The following LOXHD1 variants were observed in gnomAD, a reference collection of about 807,000 sequenced individuals.
LOXHD1 encodes the protein lipoxygenase homology PLAT domains 1.
A neutral mutation model predicts 248.2 loss-of-function variants in LOXHD1; 205 were observed. That is an observed-to-expected ratio of 0.83 (90% CI 0.74 to 0.93). LOXHD1 has a LOEUF of 0.93. Among genes scored for constraint, LOXHD1 ranks in the 40% least tolerant of loss-of-function variants. The pLI is 0.00. For synonymous variants in LOXHD1, 1,113 were observed against 1,162.8 expected, an observed-to-expected ratio of 0.96 and a Z score of 0.87; for missense variants, 2,930 against 2,971.6, an observed-to-expected ratio of 0.99 and a Z score of 0.33.
At chr18:46,561,707 C>T (rs1215789597) in intron 18 of LOXHD1, among the ~76,000 whole-genome samples, 1 of 151,566 alleles carries the variant, frequency 6.6e-6, no homozygotes, top group East Asian at 1.9e-4. Context: ...ATGCAGTCAA[C>T]AAACCACCTT....
At chr18:46,497,421 T>C (rs1325854326) in intron 37 of LOXHD1, among the ~76,000 whole-genome samples, 3 of 152,056 alleles carry the variant, frequency 2.0e-5, no homozygotes, top group Admixed American at 6.6e-5. Flanking sequence ...AGTAGAAAAA[T>C]GCATCAGGAA....
At chr18:46,519,945 G>A (rs1208817233) in intron 33 of LOXHD1, among the ~76,000 whole-genome samples, 1 of 152,176 alleles carries the variant, frequency 6.6e-6, no homozygotes, top group Non-Finnish European at 1.5e-5. Flanking sequence ...TGTAGGTCTG[G>A]ATTTTCCTGG....
intron 21 of LOXHD1, among the ~76,000 whole-genome samples, chr18:46,551,853 T>C (rs1018305567): frequency 1.3e-4 from 20 of 152,190 alleles, no homozygotes; most frequent in African/African-American, 4.6e-4. Context: ...GTACATACAA[T>C]GAAATATTAT....
At chr18:46,556,755 A>G in intron 21 of LOXHD1, 1 of 160,790 alleles carries the variant, frequency 6.2e-6, no homozygotes, top group Non-Finnish European at 1.2e-5. Flanking sequence ...CTCATCCTCC[A>G]ACGTCACCCA....
chr18:46,542,040 G>A, intron 24 of LOXHD1, 100 bp from the exon 25 acceptor site: 14 of 1,159,972 alleles, frequency 1.2e-5, no homozygotes, highest in Non-Finnish European at 1.7e-5. Context: ...TAGGTGGCTG[G>A]CTGATATCAT....
At chr18:46,484,341 G>A (rs1172201588) in intron 39 of LOXHD1, among the ~76,000 whole-genome samples, 1 of 152,136 alleles carries the variant, frequency 6.6e-6, no homozygotes, top group African/African-American at 2.4e-5. Flanking sequence ...ATGGTATTTG[G>A]AGGTAGGGTC....
chr18:46,610,700 G>T (rs910921526), intron 6 of LOXHD1, 76 bp downstream of exon 6: 1 of 1,448,824 alleles, frequency 6.9e-7, no homozygotes, highest in Non-Finnish European at 9.1e-7. Flanking sequence ...AGTTGGGACT[G>T]AGATACAACC....
At position 46,572,143 on chromosome 18, in the gene LOXHD1, C is replaced by G. The variant is rs1372147398; in HGVS notation, c.1990G>C (p.Asp664His). 6.4e-7 allele frequency: 1 copy of G among 1,551,886 alleles called. No individual in the cohort carries two copies. Residue 664 changes from aspartate (D) to histidine (H), a missense_variant, in exon 15 of 41, where the codon GAT (aspartate) becomes CAT (histidine). By Grantham distance (81) the Asp-to-His change is moderately conservative. Transcript: ENST00000642948. ...PCLRWLDKDK[D>H]DGQLVRELLP... ...AACTCTCGGACCAGCTGCCCATCATCCTTATCCTTGTCCAACCACCTGGTG... is the reference window on the plus strand; with the variant it reads ...AACTCTCGGACCAGCTGCCCATCATGCTTATCCTTGTCCAACCACCTGGTG...
chr18:46,485,933 C>A (rs1415980248), intron 38 of LOXHD1, among the ~76,000 whole-genome samples: 2 of 152,024 alleles, frequency 1.3e-5, no homozygotes, highest in African/African-American at 4.8e-5. Context: ...TAGAGCTCTG[C>A]AATGCTGTCC....
chr18:46,541,673 G>A, intron 25 of LOXHD1, 103 bp downstream of exon 25: 1 of 1,334,410 alleles, frequency 7.5e-7, no homozygotes, highest in Non-Finnish European at 1.0e-6. Flanking sequence ...CTTCAAGGTG[G>A]GCCTGGCCCA....
intron 35 of LOXHD1, among the ~76,000 whole-genome samples, chr18:46,509,385 C>T (rs1356873980): frequency 6.6e-6 from 1 of 152,242 alleles, no homozygotes; most frequent in Non-Finnish European, 1.5e-5. Context: ...CCTCCTCTCT[C>T]AACCCTCCCA....
chr18:46,486,590 T>C (rs1213900869), intron 38 of LOXHD1, among the ~76,000 whole-genome samples: 1 of 152,168 alleles, frequency 6.6e-6, no homozygotes, highest in Non-Finnish European at 1.5e-5. Context: ...TACCATTGCC[T>C]TCTGCTTTCC....
Position 46,542,746 on chromosome 18 carries a change from C to T in LOXHD1, c.3729G>A (p.Arg1243=), listed in dbSNP as rs1159207356. ...TLDLGDLWKV[R]LGHDNTGKAP... The stretch of plus-strand genomic sequence containing the variant: ...CCACACCTGTGTTGTCATGGCCAAG[C>T]CGGACTTTCCACAGGTCTCCCAGAT... Residue 1243 remains arginine, a synonymous_variant, in exon 24 of 41, where the codon CGG becomes CGA. Transcript: ENST00000642948. 1 of 1,551,626 alleles carries T rather than the reference C, an allele frequency of 6.4e-7. No homozygotes were observed. Among genetic ancestry groups the T allele is most frequent in the Admixed American group, 2.0e-5 (1 of 50,996 alleles).
intron 12 of LOXHD1, among the ~76,000 whole-genome samples, chr18:46,582,460 T>C (rs1196580725): frequency 2.7e-5 from 4 of 150,548 alleles, no homozygotes; most frequent in African/African-American, 4.9e-5. Context: ...TGGTACTCTG[T>C]AAAAAATATA....
In LOXHD1 at chr18:46,560,472, C is replaced by T; in HGVS notation, c.2672G>A (p.Trp891Ter). ...CCGCAGCCACACGGTGTCCACGAAC[C>T]AGCTGGGCCCAAAGCCCTCGCCCGT... ...GHTGEGFGPS[W>*]FVDTVWLRHL... Residue 891 changes from tryptophan (W) to a stop codon, truncating the protein, a stop_gained, in exon 19 of 41, where the codon TGG (tryptophan) becomes TAG (stop). Coordinates refer to ENST00000642948, the MANE Select transcript of LOXHD1 (RefSeq NM_001384474.1). LOFTEE classifies it high-confidence loss of function. The T allele has an allele frequency of 6.5e-7, 1 of 1,540,672 alleles. No homozygotes were observed. The highest frequency in any genetic ancestry group is 1.2e-5 in the South Asian group (1 of 84,054).
rs1193965643 is a variant in LOXHD1 at position 46,546,925 on chromosome 18, GGTT to G, written c.3481_3483del (p.Asn1161del). The G allele has an allele frequency of 4.5e-6, 7 of 1,551,414 alleles. No individual in the cohort carries two copies. In the East Asian group the frequency reaches 1.7e-4, roughly 38 times the overall value. ...TGCTCCAGGGCCAGGTTGTCGAGGG[GGTT>G]GTTGTCACCGCCTCCCCTACCCTCC... On this transcript the variant is annotated inframe_deletion, in exon 22 of 41. Transcript: ENST00000642948.
chr18:46,608,410 T>C (rs566799896), intron 6 of LOXHD1, among the ~76,000 whole-genome samples: 126 of 152,302 alleles, frequency 8.3e-4, no homozygotes, highest in Non-Finnish European at 1.7e-3. Context: ...AACGCACCCA[T>C]GTGACCAAGA....
chr18:46,508,586 G>T (rs892093861), intron 35 of LOXHD1, among the ~76,000 whole-genome samples: 1 of 152,214 alleles, frequency 6.6e-6, no homozygotes, highest in African/African-American at 2.4e-5. Flanking sequence ...ATAAATGTGT[G>T]TTGTTCTAAG....
At position 46,566,278 on chromosome 18, in the gene LOXHD1, C is replaced by T. The variant is rs1368527802; in HGVS notation, c.2416G>A (p.Glu806Lys). 14 of 1,550,486 alleles carry T rather than the reference C, an allele frequency of 9.0e-6. No homozygotes were observed. The highest frequency in any genetic ancestry group is 8.3e-5 in the South Asian group (7 of 84,038). ...GRLEVELYPSEVVEIQKLVHY... is the reference protein window; with the variant it reads ...GRLEVELYPSKVVEIQKLVHY... Reference sequence around the variant, plus strand: ...ATACATTTCTGGATCTCCACCACCTCGCTGGGATACAGCTCCACCTCCAGG... The same window carrying T: ...ATACATTTCTGGATCTCCACCACCTTGCTGGGATACAGCTCCACCTCCAGG... Residue 806 changes from glutamate (E) to lysine (K), a missense_variant, in exon 17 of 41, where the codon GAG becomes AAG. Coordinates refer to ENST00000642948, the MANE Select transcript of LOXHD1 (RefSeq NM_001384474.1).
Sources: gnomAD v4.1 joint callset for allele counts (sites outside exome capture counted in the v4.1 genomes callset) on GRCh38, gnomAD v4.1.1 for gene constraint, MANE v1.5 for transcripts, NCBI Gene and HGNC (gene_info 2026-07-23, HGNC 2026-07-21) for gene names.